Variants in BCR observed in about 807,000 individuals in gnomAD.
The protein encoded by BCR is BCR activator of RhoGEF and GTPase.
BCR carries 58 observed loss-of-function variants against 138.6 expected under a neutral mutation model. The ratio of observed to expected loss-of-function variants is 0.42; its 90% CI spans 0.34 to 0.52. BCR has a LOEUF of 0.52. Ranked by LOEUF, BCR falls within the 20% of genes least tolerant of loss-of-function variation. The pLI is 0.06. For synonymous variants in BCR, 786 were observed against 730.1 expected, an observed-to-expected ratio of 1.08 and a Z score of -1.23; for missense variants, 1,599 against 1,727.2, an observed-to-expected ratio of 0.93 and a Z score of 1.32.
chr22:23,260,564 G>A (rs1204600729), intron 2 of BCR, among the ~76,000 whole-genome samples: 1 of 152,216 alleles, frequency 6.6e-6, no homozygotes. Flanking sequence ...AGGTGGCCAT[G>A]CTGTGGGCTC....
chr22:23,313,461 C>T lies in BCR; in HGVS notation c.3457+440C>T, dbSNP rs556023763. Among the ~76,000 whole-genome samples the T allele has an allele frequency of 3.3e-5, 5 of 152,322 alleles. No individual in the cohort carries two copies. In the Middle Eastern group the frequency reaches 0.017, roughly 518 times the overall value. On this transcript the variant is annotated intron_variant, in intron 20 of 22. Coordinates refer to ENST00000305877, the MANE Select transcript of BCR (RefSeq NM_004327.4). ...GCAGTACCTGTGGCCTCTGCATCAC[C>T]CTTAGGGCAGGTCTGCCTCCCGGGC... is the stretch of plus-strand genomic sequence containing the variant.
intron 1 of BCR, among the ~76,000 whole-genome samples, chr22:23,241,637 C>T (rs1476670453): frequency 6.6e-6 from 1 of 152,154 alleles, no homozygotes; most frequent in African/African-American, 2.4e-5. Flanking sequence ...ACTAGAAGCT[C>T]AGCATCCCCT....
At chr22:23,199,469 T>C (rs932647629) in intron 1 of BCR, 1 of 384,696 alleles carries the variant, frequency 2.6e-6, no homozygotes, top group Non-Finnish European at 5.2e-6. Flanking sequence ...GGAGAGGTGC[T>C]TTGTTTTCAC....
At chr22:23,214,429 C>G (rs111886885) in intron 1 of BCR, among the ~76,000 whole-genome samples, 6 of 152,362 alleles carry the variant, frequency 3.9e-5, no homozygotes, top group African/African-American at 1.4e-4. Context: ...GCTCAGCCTC[C>G]CCACCCAACC....
intron 1 of BCR, among the ~76,000 whole-genome samples, chr22:23,224,278 A>G (rs1225885772): frequency 1.3e-5 from 2 of 152,098 alleles, no homozygotes; most frequent in Non-Finnish European, 2.9e-5. Flanking sequence ...AGAGTTCTTT[A>G]TGGACTGTAG....
chr22:23,272,634 G>C (rs2073522619), intron 6 of BCR, among the ~76,000 whole-genome samples: 2 of 152,084 alleles, frequency 1.3e-5, no homozygotes, highest in South Asian at 4.1e-4. Flanking sequence ...ATCTGAGTAG[G>C]TTTCTGCTTG....
chr22:23,183,499 A>C (rs1444922509), intron 1 of BCR, among the ~76,000 whole-genome samples: 1 of 152,176 alleles, frequency 6.6e-6, no homozygotes, highest in Non-Finnish European at 1.5e-5. Context: ...CCTGTGGTGC[A>C]CGGCTCCGAC....
rs545566144 is a variant in BCR at position 23,299,521 on chromosome 22, C to T, written c.3012+4366C>T. Among the ~76,000 whole-genome samples the T allele has an allele frequency of 2.0e-3, 308 of 152,192 alleles. 3 individuals are homozygous for T. Among genetic ancestry groups the T allele is most frequent in the African/African-American group, 7.2e-3 (297 of 41,532 alleles). ...CTCCCCCAACTCCCATCACGTCCCC[C>T]GTGACGTGATCTTTATTTTGGCTTA... On this transcript the variant is annotated intron_variant, in intron 16 of 22. Coordinates refer to ENST00000305877, the MANE Select transcript of BCR (RefSeq NM_004327.4).
chr22:23,189,360 A>G (rs1435304714), intron 1 of BCR, among the ~76,000 whole-genome samples: 1 of 151,570 alleles, frequency 6.6e-6, no homozygotes, highest in Non-Finnish European at 1.5e-5. Context: ...CCACCGTTCT[A>G]CTCTGTCTCC....
At chr22:23,286,173 C>A (rs1438813565) in intron 10 of BCR, among the ~76,000 whole-genome samples, 13 of 152,214 alleles carry the variant, frequency 8.5e-5, no homozygotes, top group African/African-American at 3.1e-4. Context: ...GGGGCCCAGG[C>A]CCAGGTGGCA....
At chr22:23,292,422 A>G in intron 14 of BCR, 119 bp from the exon 15 acceptor site, 4 of 821,838 alleles carry the variant, frequency 4.9e-6, no homozygotes, top group Non-Finnish European at 7.9e-6. Context: ...AAAGAAAGTT[A>G]CAACCTTTTT....
chr22:23,249,536 G>A (rs5759664), intron 1 of BCR, among the ~76,000 whole-genome samples: 80,668 of 151,850 alleles, frequency 0.53, 22,104 homozygotes, highest in African/African-American at 0.67. Flanking sequence ...GCAGTGAGCT[G>A]TGATCACTCC....
At chr22:23,227,854 G>A (rs886390432) in intron 1 of BCR, among the ~76,000 whole-genome samples, 1 of 152,232 alleles carries the variant, frequency 6.6e-6, no homozygotes, top group African/African-American at 2.4e-5. Context: ...TCGTGGTTCT[G>A]TCTGCCTCAG....
intron 1 of BCR, among the ~76,000 whole-genome samples, chr22:23,204,559 G>T (rs1463465515): frequency 1.3e-5 from 2 of 152,298 alleles, no homozygotes; most frequent in Admixed American, 6.5e-5. Context: ...CTTCCTGTAG[G>T]ATCCTGGTTG....
chr22:23,269,568 CCA>C (rs1220271238), intron 5 of BCR, among the ~76,000 whole-genome samples: 5 of 152,164 alleles, frequency 3.3e-5, no homozygotes, highest in African/African-American at 1.2e-4. Flanking sequence ...TCTGATGTCT[CCA>C]GTGGTGACAG....
rs1568966058 is a variant in BCR, at chr22:23,271,549, C to T, written c.1878C>T (p.Ser626=). The T allele has an allele frequency of 6.2e-7, 1 of 1,614,070 alleles. No homozygotes were observed. Among genetic ancestry groups the T allele is most frequent in the Non-Finnish European group, 8.5e-7 (1 of 1,180,012 alleles). The change falls in exon 6 of 23, where the codon AGC becomes AGT. Residue 626 remains serine, a synonymous_variant. Coordinates refer to ENST00000305877, the MANE Select transcript of BCR (RefSeq NM_004327.4). ...CTCTGCAGAACCTGAGAGCCAGAAG[C>T]AACAAAGATGCCAAGGATCCAACGA... ...AEISENLRAR[S]NKDAKDPTTK... is the part of the protein sequence containing the mutation.
At chr22:23,294,536 G>A (rs2073824509) in intron 15 of BCR, among the ~76,000 whole-genome samples, 1 of 152,178 alleles carries the variant, frequency 6.6e-6, no homozygotes, top group South Asian at 2.1e-4. Context: ...AAGTAGCTGG[G>A]ATCACAGGCA....
Position 23,316,761 on chromosome 22 carries a change from A to C in BCR, c.*1239A>C, listed in dbSNP as rs712967. The C allele has an allele frequency of 1.9e-5, 2 of 105,590 alleles. No homozygotes were observed. Among genetic ancestry groups the C allele is most frequent in the Non-Finnish European group, 4.0e-5 (2 of 50,036 alleles). 6.5% of individuals were successfully genotyped at this position (105,590 alleles called of 1,614,324 possible). On this transcript the variant is annotated 3_prime_UTR_variant, in exon 23 of 23. Transcript: ENST00000305877. Reference sequence around the variant, plus strand: ...CCGGAGCAGGTGGAGGCACAGGACCATTCGCTACCCCATCTGCCGACACCT... The same window carrying C: ...CCGGAGCAGGTGGAGGCACAGGACCCTTCGCTACCCCATCTGCCGACACCT...
chr22:23,292,527 A>G lies in BCR; in HGVS notation c.2783-14A>G. ...AAGACCTGTGACCTTCTCCATGTCC[A>G]CTTCTCCCCACAGATCTGTACTGCA... On this transcript the variant is annotated splice_polypyrimidine_tract_variant and intron_variant, in intron 14 of 22. Coordinates refer to ENST00000305877, the MANE Select transcript of BCR (RefSeq NM_004327.4). 2 of 1,601,102 alleles carry G rather than the reference A, an allele frequency of 1.2e-6. No homozygotes were observed. Among genetic ancestry groups the G allele is most frequent in the Non-Finnish European group, 8.6e-7 (1 of 1,168,938 alleles).
Sources: gnomAD v4.1 joint callset for allele counts (sites outside exome capture counted in the v4.1 genomes callset) on GRCh38, gnomAD v4.1.1 for gene constraint, MANE v1.5 for transcripts, NCBI Gene and HGNC (gene_info 2026-07-23, HGNC 2026-07-21) for gene names.